FCHO2: variants seen among roughly 807,000 people sequenced by gnomAD.
FCHO2 encodes the protein FCH and mu domain containing endocytic adaptor 2, also known as F-BAR domain only protein 2.
A neutral mutation model predicts 114.1 loss-of-function variants in FCHO2; 43 were observed. The ratio of observed to expected loss-of-function variants is 0.38; its 90% CI spans 0.30 to 0.49. The LOEUF (loss-of-function observed/expected upper bound fraction) is 0.49, where lower values mean the gene tolerates loss of function less well. Among genes scored for constraint, FCHO2 ranks in the 20% least tolerant of loss-of-function variants. The pLI, the probability that FCHO2 is intolerant of heterozygous loss-of-function variation, is 0.97. For synonymous variants in FCHO2, 293 were observed against 315.2 expected (o/e 0.93, Z 0.75); for missense variants, 807 against 950.4 (o/e 0.85, Z 1.98).
rs749414330 is a variant in FCHO2, at chr5:73,082,829, A to AGT, written c.2245+13_2245+14dup. The AGT allele has an allele frequency of 1.3e-6, 2 of 1,589,150 alleles. No homozygotes were observed. Among genetic ancestry groups the AGT allele is most frequent in the South Asian group, 1.2e-5 (1 of 86,392 alleles). On this transcript the variant is annotated splice_donor_region_variant and intron_variant, in intron 24 of 25. Coordinates refer to ENST00000430046, the MANE Select transcript of FCHO2 (RefSeq NM_138782.3). ...TCAGAAAAATCAGAAAATGGAGGTA[A>AGT]GTGTGTGTGTCCTTTTTTATTTATA...
chr5:73,051,943 A>G (rs2112836280), intron 12 of FCHO2, among the ~76,000 whole-genome samples: 1 of 151,838 alleles, frequency 6.6e-6, no homozygotes, highest in African/African-American at 2.4e-5. Context: ...GGTTTTTTTG[A>G]GATGAAGTCT....
At chr5:73,049,119 G>T (rs900743483) in intron 11 of FCHO2, among the ~76,000 whole-genome samples, 1 of 151,534 alleles carries the variant, frequency 6.6e-6, no homozygotes, top group African/African-American at 2.4e-5. Flanking sequence ...CTCGTGATCC[G>T]CCCGCCTCGG....
chr5:72,997,792 A>G (rs1754205447), intron 5 of FCHO2: 1 of 1,260,550 alleles, frequency 7.9e-7, no homozygotes, highest in Non-Finnish European at 1.0e-6. Context: ...CCTACACTCC[A>G]CTTGGAGTCT....
chr5:73,031,014 C>T (rs1213139507), intron 8 of FCHO2, among the ~76,000 whole-genome samples: 2 of 152,090 alleles, frequency 1.3e-5, no homozygotes, highest in East Asian at 1.9e-4. Context: ...AATGATACAA[C>T]CTAGGTTCAA....
Position 73,071,729 on chromosome 5 carries a change from C to T in FCHO2, c.1579+2950C>T, listed in dbSNP as rs181115136. Among the ~76,000 whole-genome samples the T allele has an allele frequency of 6.5e-3, 992 of 151,976 alleles. 11 individuals are homozygous for T. The highest frequency in any genetic ancestry group is 0.023 in the African/African-American group (953 of 41,502). ...TTTTTTGAAGTATCCATGTGCAATA[C>T]GATCTTGAAAGAAAAACAAAAATAG... On this transcript the variant is annotated intron_variant, in intron 19 of 25. Coordinates refer to ENST00000430046, the MANE Select transcript of FCHO2 (RefSeq NM_138782.3).
At chr5:72,976,220 G>T (rs1030894571) in intron 2 of FCHO2, among the ~76,000 whole-genome samples, 2 of 152,064 alleles carry the variant, frequency 1.3e-5, no homozygotes, top group Non-Finnish European at 2.9e-5. Flanking sequence ...TTTTCCTGAT[G>T]ACATATGATG....
intron 1 of FCHO2, among the ~76,000 whole-genome samples, chr5:72,963,018 A>G (rs996507069): frequency 3.3e-5 from 5 of 152,186 alleles, no homozygotes; most frequent in South Asian, 2.1e-4. Flanking sequence ...ACCTGTAATG[A>G]TATCTACTAT....
chr5:72,975,043 C>G (rs1253113548), intron 2 of FCHO2, among the ~76,000 whole-genome samples: 1 of 152,150 alleles, frequency 6.6e-6, no homozygotes, highest in African/African-American at 2.4e-5. Flanking sequence ...CCTACTTATT[C>G]TTTAGAGCTC....
intron 8 of FCHO2, among the ~76,000 whole-genome samples, chr5:73,027,369 CTT>C (rs1219325280): frequency 1.5e-5 from 2 of 136,804 alleles, no homozygotes; most frequent in Non-Finnish European, 1.6e-5. Flanking sequence ...CTGGCTTGTT[CTT>C]TTTTTTTTTT....
At chr5:73,027,641 A>T (rs762863909) in intron 8 of FCHO2, among the ~76,000 whole-genome samples, 3 of 152,170 alleles carry the variant, frequency 2.0e-5, no homozygotes, top group Non-Finnish European at 4.4e-5. Context: ...ATATTAGATC[A>T]TAACACAAAG....
At chr5:73,045,053 T>A (rs1201393626) in intron 11 of FCHO2, among the ~76,000 whole-genome samples, 2 of 152,218 alleles carry the variant, frequency 1.3e-5, no homozygotes, top group African/African-American at 2.4e-5. Context: ...AAACTTTTTA[T>A]TTTGAAATAA....
intron 11 of FCHO2, among the ~76,000 whole-genome samples, chr5:73,042,049 T>A (rs975016267): frequency 5.3e-5 from 8 of 152,156 alleles, no homozygotes; most frequent in African/African-American, 1.9e-4. Context: ...TTTTACAGCA[T>A]CATAGTGTAA....
chr5:73,089,041 T>G lies in FCHO2; in HGVS notation c.*951T>G, dbSNP rs1358994396. On this transcript the variant is annotated 3_prime_UTR_variant, in exon 26 of 26. Transcript: ENST00000430046. ...GAAGGGGATTCAGAGTCATAAAGCC[T>G]AACTTAAGAATCCTGGCTCACTTCT... 2 of 152,536 alleles carry G rather than the reference T, an allele frequency of 1.3e-5. No individual in the cohort carries two copies. Among genetic ancestry groups the G allele is most frequent in the African/African-American group, 4.8e-5 (2 of 41,424 alleles). 9.4% of individuals were successfully genotyped at this position (152,536 alleles called of 1,614,324 possible). A position where few individuals can be genotyped will look rare whatever the true frequency, so the allele number is the denominator to read the frequency against.
chr5:73,069,400 G>C (rs1283066273), intron 19 of FCHO2, among the ~76,000 whole-genome samples: 1 of 152,060 alleles, frequency 6.6e-6, no homozygotes, highest in African/African-American at 2.4e-5. Context: ...CCATAGTGTA[G>C]AATCAGTGTG....
At chr5:72,973,539 G>A (rs1394026918) in intron 2 of FCHO2, among the ~76,000 whole-genome samples, 4 of 151,776 alleles carry the variant, frequency 2.6e-5, no homozygotes, top group Admixed American at 1.3e-4. Flanking sequence ...CTGTGGGATC[G>A]GTGGTGATAT....
intron 5 of FCHO2, among the ~76,000 whole-genome samples, chr5:73,004,017 C>T (rs1226214226): frequency 1.5e-5 from 2 of 134,152 alleles, no homozygotes; most frequent in Admixed American, 8.6e-5. Context: ...CATTGCACTC[C>T]AGCCTGGGCC....
intron 11 of FCHO2, among the ~76,000 whole-genome samples, chr5:73,049,842 G>A (rs1757258346): frequency 1.3e-5 from 2 of 152,074 alleles, no homozygotes; most frequent in Non-Finnish European, 2.9e-5. Context: ...TTGTGTGTGT[G>A]TGTGTCTGTG....
At position 73,090,491 on chromosome 5, in the gene FCHO2, G is replaced by A. The variant is rs1041913150; in HGVS notation, c.*2401G>A. Reference sequence around the variant, plus strand: ...TAAATGTAAATTTTACATAAAAGTTGTGCTCTTAATAAACATGTAATATAT... The same window carrying A: ...TAAATGTAAATTTTACATAAAAGTTATGCTCTTAATAAACATGTAATATAT... On this transcript the variant is annotated 3_prime_UTR_variant, in exon 26 of 26. Transcript: ENST00000430046. The A allele has an allele frequency of 6.6e-6, 1 of 152,376 alleles. No homozygotes were observed. Among genetic ancestry groups the A allele is most frequent in the Admixed American group, 6.6e-5 (1 of 15,258 alleles). The allele number at this position is 152,376 out of a possible 1,614,324, so 9.4% of individuals were successfully genotyped here. A position where few individuals can be genotyped will look rare whatever the true frequency, so the allele number is the denominator to read the frequency against.
intron 17 of FCHO2, among the ~76,000 whole-genome samples, chr5:73,058,838 GTTCT>G (rs914725186): frequency 6.6e-6 from 1 of 152,018 alleles, no homozygotes; most frequent in Admixed American, 6.6e-5. Context: ...AATGTAACCA[GTTCT>G]TTCTTGTTGG....
Sources: gnomAD v4.1 joint callset for allele counts (sites outside exome capture counted in the v4.1 genomes callset) on GRCh38, gnomAD v4.1.1 for gene constraint, MANE v1.5 for transcripts, NCBI Gene and HGNC (gene_info 2026-07-23, HGNC 2026-07-21) for gene names.